The following EDARADD variants were observed in gnomAD, a reference collection of about 807,000 sequenced individuals.
The protein encoded by EDARADD is EDAR associated via death domain, also known as ectodysplasin-A receptor-associated adapter protein.
A neutral mutation model predicts 25.6 loss-of-function variants in EDARADD; 20 were observed. The observed-to-expected ratio is 0.78, with a 90% confidence interval of 0.55 to 1.14. The LOEUF is 1.14. EDARADD is among the 50% of genes most tolerant of loss of function. The pLI is 0.00. For synonymous variants in EDARADD, 86 were observed against 94.4 expected (o/e 0.91, Z 0.52); for missense variants, 225 against 270.1 (o/e 0.83, Z 1.17).
upstream of EDARADD, among the ~76,000 whole-genome samples, chr1:236,393,825 C>CT (rs1193908923): frequency 1.3e-5 from 2 of 152,116 alleles, no homozygotes; most frequent in East Asian, 1.9e-4. Flanking sequence ...TTTTAAATTA[C>CT]TTTTTTTGTA....
intron 4 of EDARADD, among the ~76,000 whole-genome samples, chr1:236,429,575 G>A (rs1469513886): frequency 6.6e-6 from 1 of 151,456 alleles, no homozygotes; most frequent in Admixed American, 6.6e-5. Context: ...AGTAGAGACG[G>A]GGTTTTGCCA....
chr1:236,483,937 A>T lies in EDARADD; in HGVS notation c.*1288A>T. Reference sequence around the variant, plus strand: ...GAGTTCTTCAGGTCTGGAAAGTATGACCTGGAATTCAAGTTTCTCGACGAC... The same window carrying T: ...GAGTTCTTCAGGTCTGGAAAGTATGTCCTGGAATTCAAGTTTCTCGACGAC... On this transcript the variant is annotated 3_prime_UTR_variant, in exon 6 of 6. Transcript: ENST00000334232. 1 of 1,373,250 alleles carries T rather than the reference A, an allele frequency of 7.3e-7. No homozygotes were observed. Among genetic ancestry groups the T allele is most frequent in the Non-Finnish European group, 1.0e-6 (1 of 963,170 alleles). 85.1% of individuals were successfully genotyped at this position (1,373,250 alleles called of 1,614,324 possible).
At chr1:236,450,601 T>A (rs1245985048) in intron 4 of EDARADD, among the ~76,000 whole-genome samples, 1 of 131,404 alleles carries the variant, frequency 7.6e-6, no homozygotes, top group Non-Finnish European at 1.5e-5. Context: ...CAGGCTGGAG[T>A]GCAGTGGTGC....
intron 3 of EDARADD, among the ~76,000 whole-genome samples, chr1:236,353,591 T>C (rs1666942668): frequency 1.3e-5 from 2 of 150,594 alleles, no homozygotes; most frequent in South Asian, 2.1e-4. Context: ...AGGCAGATAA[T>C]TACTTGAACC....
chr1:236,477,237 C>T (rs934156412), intron 5 of EDARADD, among the ~76,000 whole-genome samples: 25 of 151,984 alleles, frequency 1.6e-4, no homozygotes, highest in South Asian at 6.2e-4. Context: ...GGATTATGGC[C>T]GGGCACGGTG....
At chr1:236,357,827 A>G (rs1032667342) in intron 3 of EDARADD, among the ~76,000 whole-genome samples, 1 of 151,884 alleles carries the variant, frequency 6.6e-6, no homozygotes, top group African/African-American at 2.4e-5. Context: ...GCGGGGATGT[A>G]TATTCAAACT....
chr1:236,468,394 T>C (rs1659274479), intron 5 of EDARADD, 118 bp downstream of exon 5: 29 of 1,026,954 alleles, frequency 2.8e-5, no homozygotes, highest in Non-Finnish European at 3.9e-5. Flanking sequence ...GAGGCCAAGG[T>C]GGGCGGATCA....
intron 3 of EDARADD, 82 bp downstream of exon 3, chr1:236,414,381 T>A: frequency 2.6e-6 from 3 of 1,155,552 alleles, no homozygotes; most frequent in Non-Finnish European, 3.9e-6. Flanking sequence ...AATTTTTCAT[T>A]ATTTAAAATT....
In EDARADD at chr1:236,409,209, T is replaced by A. The variant is rs769530943; in HGVS notation, c.62-7T>A. 6.2e-7 allele frequency: 1 copy of A among 1,608,548 alleles called. No individual in the cohort carries two copies. The highest frequency in any genetic ancestry group is 1.7e-5 in the Admixed American group (1 of 59,358). ...GCTCTATTTGTTTGTTTTTGTTCTT[T>A]TTACAGATCATATGGTAAAGGAACC... On this transcript the variant is annotated splice_region_variant and splice_polypyrimidine_tract_variant and intron_variant, in intron 1 of 5. Coordinates refer to ENST00000334232, the MANE Select transcript of EDARADD (RefSeq NM_145861.4).
chr1:236,439,420 C>T (rs893562238), intron 4 of EDARADD, among the ~76,000 whole-genome samples: 1 of 152,196 alleles, frequency 6.6e-6, no homozygotes, highest in African/African-American at 2.4e-5. Context: ...TCTAAGATGC[C>T]GCCAAACTGT....
intron 3 of EDARADD, among the ~76,000 whole-genome samples, chr1:236,359,874 A>G (rs1365168162): frequency 2.0e-5 from 3 of 152,214 alleles, no homozygotes; most frequent in Non-Finnish European, 4.4e-5. Context: ...CCATATCACC[A>G]GCCTCCTGTT....
intron 3 of EDARADD, among the ~76,000 whole-genome samples, chr1:236,352,116 C>T (rs369227408): frequency 1.3e-5 from 2 of 152,092 alleles, no homozygotes; most frequent in Admixed American, 6.6e-5. Context: ...TCTTATCAGC[C>T]CATAGCTTCT....
intron 4 of EDARADD, among the ~76,000 whole-genome samples, chr1:236,460,187 CTT>C (rs535170345): frequency 1.7e-4 from 24 of 138,478 alleles, no homozygotes; most frequent in Admixed American, 2.2e-4. Context: ...TTTTTCTTTT[CTT>C]TTTTTTTTTT....
At chr1:236,438,177 G>A (rs1465850740) in intron 4 of EDARADD, among the ~76,000 whole-genome samples, 1 of 152,234 alleles carries the variant, frequency 6.6e-6, no homozygotes, top group South Asian at 2.1e-4. Context: ...TATTGAGTTA[G>A]GGCCCACCCC....
At chr1:236,352,544 A>G (rs1201122445) in intron 3 of EDARADD, among the ~76,000 whole-genome samples, 1 of 152,202 alleles carries the variant, frequency 6.6e-6, no homozygotes, top group Non-Finnish European at 1.5e-5. Flanking sequence ...CATATCTACA[A>G]GAAATAAAAT....
intron 3 of EDARADD, among the ~76,000 whole-genome samples, chr1:236,415,974 T>C (rs1398945600): frequency 6.6e-6 from 1 of 152,196 alleles, no homozygotes; most frequent in African/African-American, 2.4e-5. Flanking sequence ...CTCATGGTAG[T>C]GGATAATCGT....
rs1161739381 is a variant in EDARADD at position 236,395,709 on chromosome 1, C to G, written c.61+1204C>G. The G allele has an allele frequency of 2.6e-6, 4 of 1,528,366 alleles. No homozygotes were observed. The highest frequency in any genetic ancestry group is 2.6e-6 in the Non-Finnish European group (3 of 1,143,166). The allele number at this position is 1,528,366 out of a possible 1,614,324, so 94.7% of individuals were successfully genotyped here. ...CGCTCCTGGAGCGAGCACCGCGGGG[C>G]GGGAGCTCGGGAGGCGCTCGCAGCA... On this transcript the variant is annotated intron_variant, in intron 1 of 5. Coordinates refer to ENST00000334232, the MANE Select transcript of EDARADD (RefSeq NM_145861.4). This position sits in a 1 kb window ranked among gnomAD's most constrained non-coding sequence, Gnocchi z 6.9.
At chr1:236,419,285 G>A (rs1415983141) in intron 3 of EDARADD, among the ~76,000 whole-genome samples, 1 of 152,064 alleles carries the variant, frequency 6.6e-6, no homozygotes, top group African/African-American at 2.4e-5. Context: ...TCCCAGCTAC[G>A]TGGGAGGCTT....
At chr1:236,399,849 G>A (rs372761894) in intron 1 of EDARADD, among the ~76,000 whole-genome samples, 8 of 152,220 alleles carry the variant, frequency 5.3e-5, no homozygotes, top group Admixed American at 2.6e-4. Context: ...ACTCCACACC[G>A]CAGGGCTGTT....
Sources: allele counts gnomAD v4.1 joint callset (sites outside exome capture counted in the v4.1 genomes callset), GRCh38; gene constraint gnomAD v4.1.1; non-coding constraint Gnocchi (gnomAD v3.1); transcripts MANE v1.5; gene names NCBI Gene and HGNC (gene_info 2026-07-23, HGNC 2026-07-21).